Variants in RIT2 observed in about 807,000 individuals in gnomAD.
RIT2 encodes Ras like without CAAX 2.
In RIT2, 24 loss-of-function variants were observed where a neutral mutation model predicts 23.7. That is an observed-to-expected ratio of 1.01 (90% CI 0.73 to 1.43). The LOEUF (loss-of-function observed/expected upper bound fraction) is 1.43. Among genes scored for constraint, RIT2 ranks in the 40% most tolerant of loss-of-function variants. RIT2 has a pLI of 0.00. For synonymous variants in RIT2, 107 were observed against 91.1 expected (o/e 1.17, Z -0.99); for missense variants, 236 against 266.9 (o/e 0.88, Z 0.81).
At chr18:42,786,975 G>A (rs903249398) in intron 4 of RIT2, among the ~76,000 whole-genome samples, 1 of 152,018 alleles carries the variant, frequency 6.6e-6, no homozygotes, top group Non-Finnish European at 1.5e-5. Flanking sequence ...CAGGAAAAGT[G>A]GAGTCTTTCA....
intron 4 of RIT2, among the ~76,000 whole-genome samples, chr18:42,744,878 T>C (rs910350928): frequency 1.3e-5 from 2 of 152,160 alleles, no homozygotes; most frequent in African/African-American, 2.4e-5. Context: ...CATAAGTCTT[T>C]GGTGGCAGTT....
rs1908301195 is a variant in RIT2, at chr18:42,895,411, C to T, written c.426+28161G>A. Among the ~76,000 whole-genome samples the T allele has an allele frequency of 2.0e-5, 3 of 152,100 alleles. No homozygotes were observed. The South Asian group carries it at 6.2e-4, about 31-fold the overall frequency. ...TCTGAAAATGAAACATTTTATAATC[C>T]TTCCACATTACAATCTTAAGAATTC... On this transcript the variant is annotated intron_variant, in intron 4 of 4. Transcript: ENST00000326695.
intron 4 of RIT2, among the ~76,000 whole-genome samples, chr18:42,789,663 G>A (rs1197809856): frequency 6.6e-6 from 1 of 152,008 alleles, no homozygotes; most frequent in African/African-American, 2.4e-5. Context: ...AGTGAGTTTT[G>A]CACATTAATT....
chr18:43,107,385 G>C (rs957100378), intron 1 of RIT2, among the ~76,000 whole-genome samples: 6 of 152,064 alleles, frequency 3.9e-5, no homozygotes, highest in Non-Finnish European at 7.4e-5. Context: ...CTAATTCTTG[G>C]TCATATCTGT....
chr18:42,795,966 C>T (rs12956270), intron 4 of RIT2, among the ~76,000 whole-genome samples: 136 of 152,212 alleles, frequency 8.9e-4, no homozygotes, highest in Admixed American at 2.5e-3. Flanking sequence ...CACCAATCAG[C>T]GCCCTGTCAA....
At chr18:42,766,135 A>C (rs1913416880) in intron 4 of RIT2, among the ~76,000 whole-genome samples, 1 of 152,208 alleles carries the variant, frequency 6.6e-6, no homozygotes, top group Non-Finnish European at 1.5e-5. Context: ...GTTGCTGAAA[A>C]GACACCTGAA....
chr18:42,968,219 C>G (rs922338563), intron 3 of RIT2, among the ~76,000 whole-genome samples: 5 of 152,104 alleles, frequency 3.3e-5, no homozygotes, highest in African/African-American at 4.8e-5. Flanking sequence ...ATGTACAGTA[C>G]AGAGCCACTG....
chr18:42,822,512 T>A (rs771516634), intron 4 of RIT2, among the ~76,000 whole-genome samples: 1 of 152,164 alleles, frequency 6.6e-6, no homozygotes, highest in Non-Finnish European at 1.5e-5. Context: ...TTGGTTCCAA[T>A]ACATTGTTGT....
At chr18:42,953,795 C>T (rs1307834955) in intron 3 of RIT2, among the ~76,000 whole-genome samples, 3 of 152,014 alleles carry the variant, frequency 2.0e-5, no homozygotes, top group South Asian at 2.1e-4. Context: ...AACGTTTAAA[C>T]GAAGTGTGGG....
intron 4 of RIT2, among the ~76,000 whole-genome samples, chr18:42,776,723 A>G (rs1451388733): frequency 6.6e-6 from 1 of 152,288 alleles, no homozygotes; most frequent in Middle Eastern, 3.4e-3. Flanking sequence ...CCTAAATTCA[A>G]TTTAAGAATT....
At chr18:43,016,961 T>A (rs1336135491) in intron 2 of RIT2, among the ~76,000 whole-genome samples, 3 of 151,948 alleles carry the variant, frequency 2.0e-5, no homozygotes, top group Non-Finnish European at 4.4e-5. Flanking sequence ...ATAACAAAGC[T>A]CTTCTTTGAA....
intron 3 of RIT2, among the ~76,000 whole-genome samples, chr18:42,934,050 A>G (rs1909395482): frequency 1.3e-5 from 2 of 151,692 alleles, no homozygotes. Context: ...AAAAAAAAAA[A>G]AAGAAACCTC....
intron 1 of RIT2, among the ~76,000 whole-genome samples, chr18:43,105,316 A>G (rs535061629): frequency 3.9e-5 from 6 of 152,140 alleles, no homozygotes; most frequent in Non-Finnish European, 8.8e-5. Flanking sequence ...GCAGGTGCAT[A>G]TACAATGGCA....
intron 1 of RIT2, among the ~76,000 whole-genome samples, chr18:43,078,039 T>C (rs1450873580): frequency 1.3e-5 from 2 of 152,206 alleles, no homozygotes; most frequent in African/African-American, 2.4e-5. Context: ...CATTCTCTTT[T>C]GAAAGCGATG....
intron 3 of RIT2, among the ~76,000 whole-genome samples, chr18:42,962,167 A>G (rs2144187633): frequency 6.6e-6 from 1 of 152,358 alleles, no homozygotes; most frequent in South Asian, 2.1e-4. Flanking sequence ...TCTACCAGAA[A>G]GAACTTTGGA....
intron 1 of RIT2, among the ~76,000 whole-genome samples, chr18:43,045,476 G>A (rs566143718): frequency 9.2e-5 from 14 of 152,248 alleles, no homozygotes; most frequent in African/African-American, 2.6e-4. Flanking sequence ...GGGCACCAAC[G>A]TATACCCGGG....
chr18:43,026,588 G>GAAAGAAAGAAAGAAAGAAAT (rs1568059820), intron 2 of RIT2, among the ~76,000 whole-genome samples: 1 of 109,704 alleles, frequency 9.1e-6, no homozygotes, highest in African/African-American at 3.2e-5. Flanking sequence ...AAGAAAGAAA[G>GAAAGAAAGAAAGAAAGAAAT]AAAGAAAGAA....
intron 3 of RIT2, among the ~76,000 whole-genome samples, chr18:42,932,199 C>A (rs1221320748): frequency 6.6e-6 from 1 of 152,070 alleles, no homozygotes; most frequent in Non-Finnish European, 1.5e-5. Flanking sequence ...ATCAGAAGTA[C>A]AACCAGGAAG....
intron 3 of RIT2, among the ~76,000 whole-genome samples, chr18:42,972,909 C>A (rs1910394908): frequency 6.6e-6 from 1 of 151,762 alleles, no homozygotes; most frequent in Admixed American, 6.6e-5. Context: ...TGAATACCAG[C>A]AGAGGTGCAT....
Sources: gnomAD v4.1 joint callset for allele counts (sites outside exome capture counted in the v4.1 genomes callset) on GRCh38, gnomAD v4.1.1 for gene constraint, MANE v1.5 for transcripts, NCBI Gene and HGNC (gene_info 2026-07-23, HGNC 2026-07-21) for gene names.